GFOD1: variants seen among roughly 807,000 people sequenced by gnomAD.
GFOD1 encodes the protein Gfo/Idh/MocA-like oxidoreductase domain containing 1.
Under a neutral mutation model 25.4 loss-of-function variants are expected in GFOD1, and 9 were observed. The ratio of observed to expected loss-of-function variants is 0.35; its 90% CI spans 0.21 to 0.62. The LOEUF (loss-of-function observed/expected upper bound fraction) is 0.62, where lower values mean the gene tolerates loss of function less well. Among genes scored for constraint, GFOD1 ranks in the 20% least tolerant of loss-of-function variants. The probability of loss-of-function intolerance (pLI) is 0.72; values close to 1 mark genes in which losing one functional copy is unlikely to be tolerated. For synonymous variants in GFOD1, 253 were observed against 245.6 expected, an observed-to-expected ratio of 1.03 and a Z score of -0.28; for missense variants, 403 against 556.9, an observed-to-expected ratio of 0.72 and a Z score of 2.78.
chr6:13,470,043 T>C, intron 1 of GFOD1: 1 of 1,374,722 alleles, frequency 7.3e-7, no homozygotes, highest in Non-Finnish European at 9.7e-7. Flanking sequence ...GAATATTTCC[T>C]TACACATTGT....
intron 1 of GFOD1, among the ~76,000 whole-genome samples, chr6:13,394,466 A>ATTTTTTTTTTTTTTTTTTTTTTTT (rs70989855): frequency 1.3e-5 from 1 of 75,916 alleles, no homozygotes; most frequent in Non-Finnish European, 2.3e-5. Context: ...TACCCTTTGA[A>ATTTTTTTTTTTTTTTTTTTTTTTT]TTTTTTTTTT....
In GFOD1 at chr6:13,358,213, T is replaced by C. The variant is rs1278338279; in HGVS notation, c.*6530A>G. The C allele has an allele frequency of 6.6e-6, 1 of 152,182 alleles. No individual in the cohort carries two copies. Among genetic ancestry groups the C allele is most frequent in the Admixed American group, 6.5e-5 (1 of 15,284 alleles). 9.4% of individuals were successfully genotyped at this position (152,182 alleles called of 1,614,324 possible). ...GACTATCTACATTATATAGAAAATA[T>C]AGACTCTGTTTACTTTATAACACAC... On this transcript the variant is annotated 3_prime_UTR_variant, in exon 2 of 2. Coordinates refer to ENST00000379287, the MANE Select transcript of GFOD1 (RefSeq NM_018988.4).
chr6:13,486,745 G>C lies in GFOD1; in HGVS notation c.146C>G (p.Pro49Arg). ...AEELAKEMSVPFYTSRIDEVL... is the reference protein window; with the variant it reads ...AEELAKEMSVRFYTSRIDEVL... ...CTCATCAATGCGGCTAGTGTAGAAG[G>C]GGACACTCATCTCCTTGGCCAGCTC... Residue 49 changes from proline (P) to arginine (R), a missense_variant, in exon 1 of 2, where the codon CCC (proline) becomes CGC (arginine). Pro to Arg is a moderately radical substitution (Grantham distance 103, BLOSUM62 -2). Coordinates refer to ENST00000379287, the MANE Select transcript of GFOD1 (RefSeq NM_018988.4). 6.2e-7 allele frequency: 1 copy of C among 1,614,100 alleles called. No individual in the cohort carries two copies. Among genetic ancestry groups the C allele is most frequent in the East Asian group, 2.2e-5 (1 of 44,872 alleles).
At chr6:13,440,814 A>G (rs1314105560) in intron 1 of GFOD1, among the ~76,000 whole-genome samples, 2 of 152,116 alleles carry the variant, frequency 1.3e-5, no homozygotes, top group African/African-American at 4.8e-5. Context: ...AATAGTGCTT[A>G]TTTTGTTATT....
chr6:13,382,906 G>A (rs1455544519), intron 1 of GFOD1, among the ~76,000 whole-genome samples: 1 of 152,150 alleles, frequency 6.6e-6, no homozygotes, highest in African/African-American at 2.4e-5. Flanking sequence ...ACTTATAAGT[G>A]AAAACATGCA....
At chr6:13,486,258 CA>C (rs375882366) in intron 1 of GFOD1, 2,934 of 247,230 alleles carry the variant, frequency 0.012, 174 homozygotes, top group African/African-American at 0.072. Flanking sequence ...CCCCCCCCCC[CA>C]CACACACACA....
At chr6:13,404,738 T>C (rs1330105757) in intron 1 of GFOD1, among the ~76,000 whole-genome samples, 2 of 152,228 alleles carry the variant, frequency 1.3e-5, no homozygotes, top group Non-Finnish European at 2.9e-5. Flanking sequence ...TTTCAAGATG[T>C]AAAGAGGAAA....
At chr6:13,439,206 A>G (rs892641341) in intron 1 of GFOD1, among the ~76,000 whole-genome samples, 3 of 150,904 alleles carry the variant, frequency 2.0e-5, no homozygotes, top group African/African-American at 7.3e-5. Context: ...ACTTATCACA[A>G]TAAGAAGGAG....
chr6:13,441,827 G>A (rs1238722531), intron 1 of GFOD1, among the ~76,000 whole-genome samples: 1 of 152,178 alleles, frequency 6.6e-6, no homozygotes, highest in Non-Finnish European at 1.5e-5. Context: ...ATTTAAGAAA[G>A]ATTAACAAAA....
intron 1 of GFOD1, among the ~76,000 whole-genome samples, chr6:13,372,998 C>T (rs568009549): frequency 1.2e-4 from 18 of 152,294 alleles, no homozygotes; most frequent in African/African-American, 4.1e-4. Context: ...ATTTTTTCCT[C>T]GCATTTGCAG....
chr6:13,415,818 A>T (rs1243661243), intron 1 of GFOD1, among the ~76,000 whole-genome samples: 1 of 152,200 alleles, frequency 6.6e-6, no homozygotes, highest in East Asian at 1.9e-4. Flanking sequence ...GGCTATGGTG[A>T]CTGGTGTCTA....
At chr6:13,408,059 C>G in intron 1 of GFOD1, 14 of 985,444 alleles carry the variant, frequency 1.4e-5, no homozygotes, top group Non-Finnish European at 1.7e-5. Flanking sequence ...GTGCCCTTCC[C>G]TACTGCATAC....
chr6:13,436,277 G>A (rs948882431), intron 1 of GFOD1, among the ~76,000 whole-genome samples: 3 of 152,194 alleles, frequency 2.0e-5, no homozygotes, highest in African/African-American at 7.2e-5. Context: ...ACATGAATAT[G>A]TTCCTTGTTA....
At chr6:13,463,609 G>T (rs1226183894) in intron 1 of GFOD1, among the ~76,000 whole-genome samples, 1 of 152,158 alleles carries the variant, frequency 6.6e-6, no homozygotes, top group East Asian at 1.9e-4. Flanking sequence ...TCAGTTCAGT[G>T]GGTCACAGCC....
chr6:13,388,807 A>G (rs944928674), intron 1 of GFOD1, among the ~76,000 whole-genome samples: 1 of 152,274 alleles, frequency 6.6e-6, no homozygotes, highest in East Asian at 1.9e-4. Context: ...AAAAGAAACT[A>G]TCATCAGAAT....
intron 1 of GFOD1, among the ~76,000 whole-genome samples, chr6:13,442,111 C>A (rs1757926806): frequency 6.6e-6 from 1 of 152,234 alleles, no homozygotes; most frequent in African/African-American, 2.4e-5. Flanking sequence ...AAACTCCATA[C>A]AGACAGTGGC....
chr6:13,438,897 T>C (rs1259340888), intron 1 of GFOD1, among the ~76,000 whole-genome samples: 1 of 152,220 alleles, frequency 6.6e-6, no homozygotes, highest in East Asian at 1.9e-4. Context: ...GAGAGCAGAA[T>C]TGTTAATCCA....
chr6:13,381,906 C>T (rs1477946339), intron 1 of GFOD1, among the ~76,000 whole-genome samples: 13 of 87,420 alleles, frequency 1.5e-4, no homozygotes, highest in Admixed American at 1.0e-3. Context: ...AAAACACACA[C>T]GCGCGCGCGC....
intron 1 of GFOD1, among the ~76,000 whole-genome samples, chr6:13,412,708 C>A (rs1212630951): frequency 6.6e-6 from 1 of 152,236 alleles, no homozygotes; most frequent in Non-Finnish European, 1.5e-5. Context: ...AACAGGCCTG[C>A]CTTCTGCTCC....
Sources: allele counts gnomAD v4.1 joint callset (sites outside exome capture counted in the v4.1 genomes callset), GRCh38; gene constraint gnomAD v4.1.1; transcripts MANE v1.5; gene names NCBI Gene and HGNC (gene_info 2026-07-23, HGNC 2026-07-21).